The following SMG6 variants were observed in gnomAD, a reference collection of about 807,000 sequenced individuals.
SMG6 encodes the protein SMG6 nonsense mediated mRNA decay factor, also known as telomerase-binding protein EST1A.
Under a neutral mutation model 142.2 loss-of-function variants are expected in SMG6, and 66 were observed. The ratio of observed to expected loss-of-function variants is 0.46; its 90% CI spans 0.38 to 0.57. The LOEUF is 0.57. Among genes scored for constraint, SMG6 ranks in the 20% least tolerant of loss-of-function variants. The pLI, the probability that SMG6 is intolerant of heterozygous loss-of-function variation, is 0.00. For missense variants in SMG6, 1,793 were observed against 1,832.0 expected, an observed-to-expected ratio of 0.98 and a Z score of 0.39; for synonymous variants, 779 against 702.4, an observed-to-expected ratio of 1.11 and a Z score of -1.72.
At chr17:2,143,069 T>C (rs1567632664) in intron 13 of SMG6, among the ~76,000 whole-genome samples, 2 of 151,978 alleles carry the variant, frequency 1.3e-5, no homozygotes, top group African/African-American at 4.8e-5. Context: ...AAAAAAATAA[T>C]AAGTGTTAGT....
intron 18 of SMG6, 92 bp downstream of exon 18, chr17:2,064,979 CAG>C (rs2067896327): frequency 2.0e-6 from 2 of 985,734 alleles, no homozygotes; most frequent in East Asian, 2.4e-5. Context: ...CTTCCCAGGC[CAG>C]AGTCAGTGGA....
At chr17:2,081,515 T>A (rs540421616) in intron 15 of SMG6, among the ~76,000 whole-genome samples, 3 of 152,152 alleles carry the variant, frequency 2.0e-5, no homozygotes, top group Non-Finnish European at 4.4e-5. Context: ...TCACATTGTG[T>A]GAAAGATCAT....
chr17:2,143,112 T>G (rs1456469464), intron 13 of SMG6, among the ~76,000 whole-genome samples: 1 of 152,176 alleles, frequency 6.6e-6, no homozygotes, highest in Non-Finnish European at 1.5e-5. Context: ...CTCATACATT[T>G]GCTGCTAGTG....
At chr17:2,130,878 C>A (rs1169311583) in intron 13 of SMG6, among the ~76,000 whole-genome samples, 4 of 152,076 alleles carry the variant, frequency 2.6e-5, no homozygotes, top group Non-Finnish European at 5.9e-5. Context: ...GTGGCAGGTG[C>A]CTGTAATCCC....
chr17:2,193,123 G>T (rs1167744783), intron 10 of SMG6, among the ~76,000 whole-genome samples: 3 of 152,218 alleles, frequency 2.0e-5, no homozygotes, highest in Admixed American at 6.5e-5. Flanking sequence ...TGGAGATGGG[G>T]CCTGGTGGGA....
intron 17 of SMG6, 123 bp from the exon 18 acceptor site, chr17:2,065,277 G>A (rs2067908459): frequency 2.0e-6 from 2 of 1,009,810 alleles, no homozygotes; most frequent in African/African-American, 1.6e-5. Context: ...TCCCATGCAT[G>A]CGCTGGCCCT....
At chr17:2,078,976 C>G (rs1046079798) in intron 15 of SMG6, among the ~76,000 whole-genome samples, 4 of 152,042 alleles carry the variant, frequency 2.6e-5, no homozygotes, top group African/African-American at 7.3e-5. Context: ...GGTGATTTTT[C>G]TTTTTAAGAT....
intron 13 of SMG6, among the ~76,000 whole-genome samples, chr17:2,102,382 G>T (rs1345454444): frequency 6.6e-6 from 1 of 151,582 alleles, no homozygotes; most frequent in Non-Finnish European, 1.5e-5. Flanking sequence ...TTTTAGACAG[G>T]GTCTTGCTCT....
chr17:2,216,384 A>T (rs1405742128), intron 10 of SMG6, among the ~76,000 whole-genome samples: 2 of 152,196 alleles, frequency 1.3e-5, no homozygotes, highest in East Asian at 3.8e-4. Context: ...AGTAGGCTGA[A>T]GATTTAAACC....
intron 13 of SMG6, among the ~76,000 whole-genome samples, chr17:2,126,778 G>T (rs868375728): frequency 6.6e-6 from 1 of 151,016 alleles, no homozygotes; most frequent in Middle Eastern, 3.5e-3. Context: ...TGCATCAAAG[G>T]TGGAAACTCA....
At chr17:2,168,438 C>A (rs1330240151) in intron 13 of SMG6, among the ~76,000 whole-genome samples, 4 of 152,166 alleles carry the variant, frequency 2.6e-5, no homozygotes, top group Admixed American at 2.6e-4. Flanking sequence ...CCGCCTCAGC[C>A]TCCCAGAGTG....
At chr17:2,197,176 C>T (rs763135101) in intron 10 of SMG6, among the ~76,000 whole-genome samples, 32 of 152,234 alleles carry the variant, frequency 2.1e-4, no homozygotes, top group Non-Finnish European at 4.1e-4. Flanking sequence ...GCAAAAGACC[C>T]TGTAAAAAGA....
At chr17:2,103,330 C>A (rs919880464) in intron 13 of SMG6, among the ~76,000 whole-genome samples, 1 of 152,022 alleles carries the variant, frequency 6.6e-6, no homozygotes, top group East Asian at 1.9e-4. Flanking sequence ...ATTCAGAATG[C>A]GAACTAACAG....
chr17:2,098,867 G>T (rs1416461710), intron 13 of SMG6, among the ~76,000 whole-genome samples: 1 of 152,092 alleles, frequency 6.6e-6, no homozygotes, highest in Non-Finnish European at 1.5e-5. Context: ...CTGACCTCAG[G>T]TGATCCACCC....
chr17:2,211,100 T>TAAA (rs1187042595), intron 10 of SMG6, among the ~76,000 whole-genome samples: 1 of 48,560 alleles, frequency 2.1e-5, no homozygotes, highest in African/African-American at 1.0e-4. Flanking sequence ...CTGGATTTTA[T>TAAA]TAAAAAAAAA....
chr17:2,087,452 C>G (rs1567586964), intron 13 of SMG6: 18 of 1,110,230 alleles, frequency 1.6e-5, no homozygotes, highest in Non-Finnish European at 1.9e-5. Flanking sequence ...GGAGTGTTCT[C>G]TGCTTTCTCT....
intron 13 of SMG6, among the ~76,000 whole-genome samples, chr17:2,151,409 A>G (rs1445268452): frequency 6.6e-6 from 1 of 152,216 alleles, no homozygotes; most frequent in Admixed American, 6.5e-5. Flanking sequence ...TTTGCTTACA[A>G]AAAGACATGC....
chr17:2,140,775 TTGAAGCTGTCTTTAGGTGAAATCCA>T (rs1567630751), intron 13 of SMG6, among the ~76,000 whole-genome samples: 1 of 152,110 alleles, frequency 6.6e-6, no homozygotes, highest in Admixed American at 6.6e-5. Flanking sequence ...AAAAAAGCCA[TTGAAGCTGTCTTTAGGTGAAATCCA>T]TGCATGTCAG....
chr17:2,216,841 T>G (rs1006412830), intron 10 of SMG6, among the ~76,000 whole-genome samples: 1 of 152,226 alleles, frequency 6.6e-6, no homozygotes, highest in African/African-American at 2.4e-5. Flanking sequence ...ATTCCCTAAT[T>G]GATCTATGAG....
Sources: gnomAD v4.1 joint callset for allele counts (sites outside exome capture counted in the v4.1 genomes callset) on GRCh38, gnomAD v4.1.1 for gene constraint, MANE v1.5 for transcripts, NCBI Gene and HGNC (gene_info 2026-07-23, HGNC 2026-07-21) for gene names.